DYNC2H1: variants seen among roughly 807,000 people sequenced by gnomAD.
DYNC2H1 encodes the protein dynein cytoplasmic 2 heavy chain 1.
In DYNC2H1, 410 loss-of-function variants were observed where a neutral mutation model predicts 570.0. The observed-to-expected ratio is 0.72, with a 90% CI of 0.66 to 0.78. DYNC2H1 has a LOEUF of 0.78. DYNC2H1 is among the 30% of genes least tolerant of loss of function. The probability of loss-of-function intolerance (pLI) is 0.00; values close to 1 mark genes in which losing one functional copy is unlikely to be tolerated. For missense variants in DYNC2H1, 4,865 were observed against 5,046.4 expected, an observed-to-expected ratio of 0.96 and a Z score of 1.09; for synonymous variants, 1,688 against 1,677.6, an observed-to-expected ratio of 1.01 and a Z score of -0.15.
intron 11 of DYNC2H1, among the ~76,000 whole-genome samples, chr11:103,124,266 G>T (rs1565318751): frequency 2.0e-5 from 3 of 151,692 alleles, no homozygotes; most frequent in Non-Finnish European, 4.4e-5. Flanking sequence ...GAGCAACATG[G>T]CGAAATCCTG....
chr11:103,354,921 A>T (rs2566917), intron 82 of DYNC2H1, among the ~76,000 whole-genome samples: 72,709 of 151,266 alleles, frequency 0.48, 19,322 homozygotes, highest in Admixed American at 0.59. Context: ...ATTGTCTTTC[A>T]TCAGTTCTGG....
rs1214722004 is a variant in DYNC2H1, at chr11:103,201,757, TC to T, written c.8197+1605del. On this transcript the variant is annotated intron_variant, in intron 50 of 88. Transcript: ENST00000375735. The surrounding 1 kb of genome is among the most constrained non-coding windows in gnomAD (Gnocchi z 4.8). ...GACACTTGCGAATTCCTATATTTCT[TC>T]CTTTTTTTTGAAGAATTTATGAAGT... 6.6e-6 allele frequency among the ~76,000 whole-genome samples: 1 copy of T among 152,164 alleles called. No homozygotes were observed. The highest frequency in any genetic ancestry group is 1.5e-5 in the Non-Finnish European group (1 of 68,006).
rs1865975696 is a variant in DYNC2H1 at position 103,277,918 on chromosome 11, G to A, written c.10696-2430G>A. ...CTTTTTTCTGGTTCATATTTTTGCT[G>A]ATAATGTAATTCTTTAAGGGCCCAA... On this transcript the variant is annotated intron_variant, in intron 70 of 88. Transcript: ENST00000375735. The surrounding 1 kb of genome is among the most constrained non-coding windows in gnomAD (Gnocchi z 4.3). Among the ~76,000 whole-genome samples the A allele has an allele frequency of 6.6e-6, 1 of 152,104 alleles. No individual in the cohort carries two copies. Among genetic ancestry groups the A allele is most frequent in the Non-Finnish European group, 1.5e-5 (1 of 68,010 alleles).
In DYNC2H1 at chr11:103,200,108, T is replaced by G; in HGVS notation, c.8151T>G (p.Phe2717Leu). The part of the protein sequence containing the change: ...QVVLLLEDYQ[F>L]VHPTFLEMIN... ...TTTTACTTCTTGAGGATTACCAGTT[T>G]GTACATCCTACATTTTTGGAGATGA... Residue 2717 changes from phenylalanine (F) to leucine (L), a missense_variant, in exon 50 of 89, where the codon TTT becomes TTG. Around this residue, in one of 5 missense-constraint regions of DYNC2H1, gnomAD observed 2,401 missense variants for 2,454.6 expected, o/e 0.98. Coordinates refer to ENST00000375735, the MANE Select transcript of DYNC2H1 (RefSeq NM_001377.3). 4.4e-6 allele frequency: 7 copies of G among 1,590,018 alleles called. No homozygotes were observed. The highest frequency in any genetic ancestry group is 6.0e-6 in the Non-Finnish European group (7 of 1,167,216).
intron 85 of DYNC2H1, among the ~76,000 whole-genome samples, chr11:103,450,066 T>C (rs1012005607): frequency 2.0e-5 from 3 of 152,096 alleles, no homozygotes; most frequent in Non-Finnish European, 2.9e-5. Flanking sequence ...ATATTAAATA[T>C]TGAGCAAAAT....
chr11:103,312,062 C>A, intron 79 of DYNC2H1, 29 bp downstream of exon 79: 1 of 1,580,254 alleles, frequency 6.3e-7, no homozygotes. Context: ...TGAATACATT[C>A]TAAGCTTTAT....
At chr11:103,134,240 G>C in intron 14 of DYNC2H1, 81 bp from the exon 15 acceptor site, 1 of 1,179,120 alleles carries the variant, frequency 8.5e-7, no homozygotes. Flanking sequence ...TGGTTAAGGT[G>C]GTATCTGTCA....
intron 47 of DYNC2H1, among the ~76,000 whole-genome samples, chr11:103,197,039 A>T (rs1448038481): frequency 6.6e-6 from 1 of 152,110 alleles, no homozygotes; most frequent in Non-Finnish European, 1.5e-5. Flanking sequence ...TAGAATGATG[A>T]ATAGACTTTC....
At chr11:103,412,032 G>A (rs1943108581) in intron 84 of DYNC2H1, among the ~76,000 whole-genome samples, 1 of 152,026 alleles carries the variant, frequency 6.6e-6, no homozygotes, top group African/African-American at 2.4e-5. Context: ...AATGAGACTA[G>A]TCTGACTTTC....
chr11:103,460,484 G>C (rs531179294), intron 87 of DYNC2H1, among the ~76,000 whole-genome samples: 2 of 128,352 alleles, frequency 1.6e-5, no homozygotes, highest in African/African-American at 5.7e-5. Flanking sequence ...GGCAGTGGGT[G>C]GGGTGGGGGG....
intron 48 of DYNC2H1, 142 bp downstream of exon 48, chr11:103,198,205 T>C: frequency 1.0e-6 from 1 of 959,752 alleles, no homozygotes; most frequent in Non-Finnish European, 1.5e-6. Flanking sequence ...ATTTAGTCCA[T>C]TGTGGCGGAT....
intron 83 of DYNC2H1, among the ~76,000 whole-genome samples, chr11:103,399,354 C>T (rs1302787019): frequency 1.4e-5 from 2 of 144,582 alleles, no homozygotes; most frequent in Non-Finnish European, 3.0e-5. Flanking sequence ...CGGGGTTTCA[C>T]CGTGTTGGCC....
Position 103,257,702 on chromosome 11 carries a change from G to T in DYNC2H1, c.10556G>T (p.Ser3519Ile). The T allele has an allele frequency of 6.2e-7, 1 of 1,610,190 alleles. No individual in the cohort carries two copies. The highest frequency in any genetic ancestry group is 1.1e-5 in the South Asian group (1 of 90,278). The change falls in exon 69 of 89, where the codon AGT becomes ATT. Residue 3519 changes from serine to isoleucine, a missense_variant. Transcript: ENST00000375735. ...AAAATTAATAACATGTACCGTTTTA[G>T]TTTGGCTGCTTTTCTCCGACTTTTC... ...LSKINNMYRF[S>I]LAAFLRLFQR...
chr11:103,167,013 A>ATTTTTTTTTTTC (rs1467907197), intron 31 of DYNC2H1, among the ~76,000 whole-genome samples: 1 of 48,466 alleles, frequency 2.1e-5, no homozygotes, highest in East Asian at 5.5e-4. Context: ...TTTTTTTTTG[A>ATTTTTTTTTTTC]TTTTTCCTCT....
intron 85 of DYNC2H1, among the ~76,000 whole-genome samples, chr11:103,441,747 T>A (rs567394580): frequency 1.2e-4 from 19 of 152,290 alleles, no homozygotes; most frequent in Admixed American, 6.5e-5. Context: ...CCCATAAATA[T>A]TATGGTTTAA....
At chr11:103,263,878 T>C (rs1216080447) in intron 70 of DYNC2H1, among the ~76,000 whole-genome samples, 1 of 151,606 alleles carries the variant, frequency 6.6e-6, no homozygotes, top group Non-Finnish European at 1.5e-5. Flanking sequence ...CTGAAGGAGA[T>C]AGAGACATGA....
At chr11:103,424,057 A>G (rs1943583720) in intron 84 of DYNC2H1, among the ~76,000 whole-genome samples, 2 of 152,242 alleles carry the variant, frequency 1.3e-5, no homozygotes, top group South Asian at 4.1e-4. Context: ...GAAAGAAATT[A>G]AAGACTACTT....
Position 103,117,730 on chromosome 11 carries a change from C to T in DYNC2H1, c.866C>T (p.Ser289Leu), listed in dbSNP as rs1302921684. ...LVKESLKAGI[S>L]ICEQWVIVCN... is the part of the protein sequence containing the mutation. ...AAAGAAAGTCTGAAAGCTGGTATTT[C>T]AATTTGTGAACAGTGGGTGATAGTC... Residue 289 changes from serine to leucine, a missense_variant, in exon 6 of 89, where the codon TCA becomes TTA. Around this residue, in one of 5 missense-constraint regions of DYNC2H1, gnomAD observed 1,936 missense variants for 1,962.1 expected, o/e 0.99. Transcript: ENST00000375735. The T allele has an allele frequency of 1.2e-6, 2 of 1,612,894 alleles. No individual in the cohort carries two copies. Among genetic ancestry groups the T allele is most frequent in the Non-Finnish European group, 1.7e-6 (2 of 1,179,294 alleles).
At chr11:103,302,145 C>T (rs564004754) in intron 75 of DYNC2H1, among the ~76,000 whole-genome samples, 1 of 152,086 alleles carries the variant, frequency 6.6e-6, no homozygotes, top group East Asian at 1.9e-4. Flanking sequence ...TTGTGAAGGG[C>T]TACAGAGCAG....
Sources: gnomAD v4.1 joint callset for allele counts (sites outside exome capture counted in the v4.1 genomes callset) on GRCh38, gnomAD v4.1.1 for gene constraint, gnomAD v4.1.1 regional missense constraint, Gnocchi (gnomAD v3.1) non-coding constraint, MANE v1.5 for transcripts, NCBI Gene and HGNC (gene_info 2026-07-23, HGNC 2026-07-21) for gene names.